Variants in DCDC2 observed in about 807,000 individuals in gnomAD.
DCDC2 encodes the protein doublecortin domain-containing protein 2.
DCDC2 carries 40 observed loss-of-function variants against 50.2 expected under a neutral mutation model. The observed-to-expected ratio is 0.80, with a 90% CI of 0.62 to 1.04. DCDC2 has a LOEUF of 1.04. DCDC2 is among the 50% of genes least tolerant of loss of function. DCDC2 has a pLI of 0.00. For missense variants in DCDC2, 570 were observed against 581.9 expected, an observed-to-expected ratio of 0.98 and a Z score of 0.21; for synonymous variants, 234 against 210.6, an observed-to-expected ratio of 1.11 and a Z score of -0.96.
intron 7 of DCDC2, among the ~76,000 whole-genome samples, chr6:24,220,891 T>TGAGCGAGCGAGC (rs1246996420): frequency 1.0e-5 from 1 of 98,970 alleles, no homozygotes. Context: ...AGCGAGAGAG[T>TGAGCGAGCGAGC]GAGCGAGCGA....
intron 1 of DCDC2, chr6:24,357,006 C>A (rs1303286274): frequency 6.4e-6 from 1 of 155,196 alleles, no homozygotes; most frequent in Non-Finnish European, 1.4e-5. Context: ...TTAAACAGTA[C>A]GGGAAATGCA....
At chr6:24,352,368 T>C (rs909275091) in intron 2 of DCDC2, among the ~76,000 whole-genome samples, 8 of 152,150 alleles carry the variant, frequency 5.3e-5, no homozygotes, top group Non-Finnish European at 7.3e-5. Context: ...CTGCCCTTTA[T>C]TACTACTCTA....
At chr6:24,287,985 C>A (rs531798535) in intron 6 of DCDC2, among the ~76,000 whole-genome samples, 1 of 152,070 alleles carries the variant, frequency 6.6e-6, no homozygotes, top group Non-Finnish European at 1.5e-5. Flanking sequence ...ATGCTGAGTT[C>A]GGCACTACTT....
chr6:24,267,289 C>T (rs1032318578), intron 7 of DCDC2, among the ~76,000 whole-genome samples: 11 of 152,016 alleles, frequency 7.2e-5, no homozygotes, highest in Admixed American at 5.9e-4. Context: ...TATTAAATAA[C>T]TAAAAGGGTA....
At chr6:24,381,599 C>G in the DCDC2 span, among the ~76,000 whole-genome samples, 1 of 152,122 alleles carries the variant, frequency 6.6e-6, no homozygotes, top group Non-Finnish European at 1.5e-5. Context: ...TACTCTCTTA[C>G]CAGGAGTTTG....
chr6:24,281,642 T>C (rs1226432911), intron 6 of DCDC2, among the ~76,000 whole-genome samples: 1 of 152,078 alleles, frequency 6.6e-6, no homozygotes, highest in Admixed American at 6.6e-5. Flanking sequence ...ACATAAATTA[T>C]ACATAGTTAG....
At chr6:24,339,903 G>C (rs1412919434) in intron 2 of DCDC2, among the ~76,000 whole-genome samples, 1 of 151,782 alleles carries the variant, frequency 6.6e-6, no homozygotes, top group Non-Finnish European at 1.5e-5. Flanking sequence ...CTATAAGATA[G>C]AGAGAGCAAA....
chr6:24,361,474 G>A (rs143909530), upstream of DCDC2, among the ~76,000 whole-genome samples: 739 of 151,856 alleles, frequency 4.9e-3, 18 homozygotes, highest in East Asian at 0.052. Context: ...AGGCCAAAGA[G>A]AACAATACAG....
At chr6:24,276,886 C>T (rs1763370558) in intron 7 of DCDC2, among the ~76,000 whole-genome samples, 1 of 152,150 alleles carries the variant, frequency 6.6e-6, no homozygotes, top group Admixed American at 6.5e-5. Flanking sequence ...AAATGAGCTG[C>T]CCAAGGTCAA....
chr6:24,381,304 C>A, the DCDC2 span, among the ~76,000 whole-genome samples: 1 of 152,060 alleles, frequency 6.6e-6, no homozygotes, highest in Non-Finnish European at 1.5e-5. Context: ...ATATTATTAA[C>A]CATAGTCACC....
chr6:24,372,169 C>T, the DCDC2 span, among the ~76,000 whole-genome samples: 6 of 152,194 alleles, frequency 3.9e-5, no homozygotes, highest in African/African-American at 1.4e-4. Context: ...CGCCTGTAAT[C>T]CCAGCACTTT....
chr6:24,347,989 G>A (rs560474326), intron 2 of DCDC2, among the ~76,000 whole-genome samples: 134 of 152,318 alleles, frequency 8.8e-4, no homozygotes, highest in South Asian at 2.5e-3. Flanking sequence ...AGTCTTCAGC[G>A]TGGTGGGTAC....
chr6:24,315,266 C>T (rs1295973425), intron 2 of DCDC2, among the ~76,000 whole-genome samples: 2 of 151,330 alleles, frequency 1.3e-5, no homozygotes, highest in Non-Finnish European at 2.9e-5. Context: ...CCTTAAGGAA[C>T]CTCCTAGAAC....
intron 7 of DCDC2, among the ~76,000 whole-genome samples, chr6:24,236,901 T>TG (rs1208949052): frequency 4.6e-5 from 7 of 151,762 alleles, no homozygotes; most frequent in African/African-American, 1.5e-4. Context: ...TCTGGCCACT[T>TG]GGGGGGCTGA....
rs1417193134 is a variant in DCDC2 at position 24,203,044 on chromosome 6, A to G, written c.1023+1958T>C. 2.0e-5 allele frequency among the ~76,000 whole-genome samples: 3 copies of G among 152,234 alleles called. No homozygotes were observed. In the East Asian group the frequency reaches 5.8e-4, roughly 29 times the overall value. On this transcript the variant is annotated intron_variant, in intron 8 of 9. Transcript: ENST00000378454. The stretch of plus-strand genomic sequence containing the variant: ...GTGGATAGGAAGAATTGATATTGTG[A>G]AAATGGCCATACTGCCCAAAGTAAG...
intron 7 of DCDC2, among the ~76,000 whole-genome samples, chr6:24,254,041 T>G (rs889579983): frequency 1.3e-5 from 2 of 150,894 alleles, no homozygotes; most frequent in Non-Finnish European, 3.0e-5. Flanking sequence ...CTATTTAAGT[T>G]TTGTTTAATT....
intron 1 of DCDC2, 166 bp downstream of exon 1, chr6:24,357,292 C>T (rs1210604710): frequency 5.3e-6 from 4 of 748,632 alleles, no homozygotes; most frequent in Non-Finnish European, 8.2e-6. Flanking sequence ...ACAGTGTCAA[C>T]CTCTACCCCC....
intron 4 of DCDC2, among the ~76,000 whole-genome samples, chr6:24,299,495 A>G (rs1759327302): frequency 1.3e-5 from 2 of 152,218 alleles, no homozygotes; most frequent in South Asian, 4.1e-4. Flanking sequence ...ATGAAATTAT[A>G]AAAAAGAGGT....
intron 7 of DCDC2, among the ~76,000 whole-genome samples, chr6:24,219,861 G>C (rs1400251217): frequency 6.6e-6 from 1 of 152,200 alleles, no homozygotes; most frequent in Non-Finnish European, 1.5e-5. Context: ...TCTGAACAAG[G>C]GGTGAAGGAG....
Sources: gnomAD v4.1 joint callset for allele counts (sites outside exome capture counted in the v4.1 genomes callset) on GRCh38, gnomAD v4.1.1 for gene constraint, MANE v1.5 for transcripts, NCBI Gene and HGNC (gene_info 2026-07-23, HGNC 2026-07-21) for gene names.